RANBP2: variants seen among roughly 807,000 people sequenced by gnomAD.
RANBP2 encodes RAN binding protein 2.
A neutral mutation model predicts 303.6 loss-of-function variants in RANBP2; 57 were observed. The ratio of observed to expected loss-of-function variants is 0.19; its 90% CI spans 0.15 to 0.23. RANBP2 has a LOEUF of 0.23. Among genes scored for constraint, RANBP2 ranks in the 10% least tolerant of loss-of-function variants. The probability of loss-of-function intolerance (pLI) is 1.00; values close to 1 mark genes in which losing one functional copy is unlikely to be tolerated. For missense variants in RANBP2, 3,138 were observed against 3,780.8 expected, an observed-to-expected ratio of 0.83 and a Z score of 4.46; for synonymous variants, 1,167 against 1,301.5, an observed-to-expected ratio of 0.90 and a Z score of 2.23.
Position 108,766,090 on chromosome 2 carries a change from A to G in RANBP2, c.5551A>G (p.Lys1851Glu), listed in dbSNP as rs756543307. 3.7e-6 allele frequency: 6 copies of G among 1,614,054 alleles called. No homozygotes were observed. In the African/African-American group the frequency reaches 6.7e-5, roughly 18 times the overall value. Residue 1851 changes from lysine to glutamate, a missense_variant, in exon 20 of 29, where the codon AAG (lysine) becomes GAG (glutamate). By Grantham distance (56) the Lys-to-Glu change is moderately conservative. This residue lies in a region of RANBP2 where 348 missense variants were observed against 360.4 expected (regional missense o/e 0.97). Coordinates refer to ENST00000283195, the MANE Select transcript of RANBP2 (RefSeq NM_006267.5). ...FKSNFSEKASKFGNTEQGFKF... is the reference protein window; with the variant it reads ...FKSNFSEKASEFGNTEQGFKF... Reference sequence around the variant, plus strand: ...AAGTAATTTCTCAGAAAAAGCTTCTAAGTTTGGCAATACAGAGCAAGGATT... The same window carrying G: ...AAGTAATTTCTCAGAAAAAGCTTCTGAGTTTGGCAATACAGAGCAAGGATT...
chr2:109,200,570 C>T, the RANBP2 span, among the ~76,000 whole-genome samples: 1 of 152,168 alleles, frequency 6.6e-6, no homozygotes, highest in Non-Finnish European at 1.5e-5. Flanking sequence ...CCTTGCTCTT[C>T]TAGGCACCGC....
At chr2:108,834,295 C>G in the RANBP2 span, among the ~76,000 whole-genome samples, 1 of 151,590 alleles carries the variant, frequency 6.6e-6, no homozygotes, top group South Asian at 2.1e-4. Flanking sequence ...TCACTGCAAC[C>G]TCTGCTTCCC....
chr2:109,432,805 G>A, the RANBP2 span: 1 of 1,230,172 alleles, frequency 8.1e-7, no homozygotes, highest in Non-Finnish European at 1.1e-6. Context: ...CCAGGGTTCA[G>A]CCCCCACTGG....
chr2:109,640,209 G>A, the RANBP2 span, among the ~76,000 whole-genome samples: 2 of 151,254 alleles, frequency 1.3e-5, no homozygotes, highest in African/African-American at 2.4e-5. Flanking sequence ...TCCCAGCACT[G>A]TGGAGGCCAA....
chr2:109,126,749 C>T, the RANBP2 span, among the ~76,000 whole-genome samples: 5 of 152,166 alleles, frequency 3.3e-5, no homozygotes, highest in Admixed American at 6.5e-5. Context: ...AGCCTGGGAT[C>T]CTATGAGATG....
At chr2:109,278,769 G>A in the RANBP2 span, among the ~76,000 whole-genome samples, 1 of 152,150 alleles carries the variant, frequency 6.6e-6, no homozygotes, top group African/African-American at 2.4e-5. Context: ...GTACCCAACT[G>A]AAACCCATGT....
chr2:109,542,073 A>G, the RANBP2 span, among the ~76,000 whole-genome samples: 193 of 152,384 alleles, frequency 1.3e-3, no homozygotes, highest in Middle Eastern at 3.4e-3. Flanking sequence ...AGTTAGAGAC[A>G]ACTGTTTCAT....
the RANBP2 span, among the ~76,000 whole-genome samples, chr2:109,078,137 C>T: frequency 1.7e-4 from 6 of 35,190 alleles, no homozygotes; most frequent in African/African-American, 5.9e-4. Flanking sequence ...ATATATATAG[C>T]GTGTATATAT....
At chr2:109,741,466 C>A in the RANBP2 span, among the ~76,000 whole-genome samples, 1 of 148,248 alleles carries the variant, frequency 6.7e-6, no homozygotes, top group Non-Finnish European at 1.5e-5. Context: ...CGCCTGTAAT[C>A]CCAGCATTTC....
At chr2:109,041,837 G>A in the RANBP2 span, among the ~76,000 whole-genome samples, 1 of 151,762 alleles carries the variant, frequency 6.6e-6, no homozygotes, top group African/African-American at 2.4e-5. Flanking sequence ...CAACCCGCCC[G>A]GCCTGATGGA....
chr2:109,615,113 G>A, the RANBP2 span: 4 of 1,549,702 alleles, frequency 2.6e-6, no homozygotes, highest in African/African-American at 2.7e-5. Flanking sequence ...TCCGTGACCT[G>A]GTGATGGGCA....
the RANBP2 span, among the ~76,000 whole-genome samples, chr2:109,731,832 CTTCT>C: frequency 2.0e-5 from 3 of 151,450 alleles, no homozygotes; most frequent in African/African-American, 7.3e-5. Flanking sequence ...AAGTATTTTT[CTTCT>C]TTCTCTTTTT....
chr2:109,014,903 C>T, the RANBP2 span, among the ~76,000 whole-genome samples: 7 of 151,926 alleles, frequency 4.6e-5, no homozygotes, highest in African/African-American at 1.7e-4. Flanking sequence ...GGGCGGATCA[C>T]GAGGTCAGGA....
rs549025149 is a variant in RANBP2 at position 108,744,606 on chromosome 2, A to G, written c.976-2105A>G. 5.2e-4 allele frequency among the ~76,000 whole-genome samples: 79 copies of G among 152,358 alleles called. 3 individuals are homozygous for G. The highest frequency in any genetic ancestry group is 1.9e-3 in the African/African-American group (78 of 41,598). On this transcript the variant is annotated intron_variant, in intron 7 of 28. Transcript: ENST00000283195. ...GCTCTTTTCAACATATAGATGACAAAGGGCTTTGACATGATGTTTAGAAAA... is the reference window on the plus strand; with the variant it reads ...GCTCTTTTCAACATATAGATGACAAGGGGCTTTGACATGATGTTTAGAAAA...
the RANBP2 span, among the ~76,000 whole-genome samples, chr2:109,730,764 GTC>G: frequency 6.8e-5 from 10 of 147,376 alleles, no homozygotes; most frequent in East Asian, 1.6e-3. Context: ...TCTCTCTGGG[GTC>G]TCTCTCTCTC....
intron 4 of RANBP2, among the ~76,000 whole-genome samples, chr2:108,732,733 C>T (rs1486358739): frequency 6.6e-6 from 1 of 152,308 alleles, no homozygotes; most frequent in East Asian, 1.9e-4. Context: ...TATGCCTGAC[C>T]TCTGGCAACC....
At chr2:109,172,315 C>A in the RANBP2 span, among the ~76,000 whole-genome samples, 1 of 152,238 alleles carries the variant, frequency 6.6e-6, no homozygotes, top group Non-Finnish European at 1.5e-5. Context: ...AAGGACCTTG[C>A]AAACAGCGTG....
Position 108,767,630 on chromosome 2 carries a change from A to G in RANBP2, c.7091A>G (p.Asp2364Gly). ...GATATAAAGATTTTACAGAATTATG[A>G]TAATAAGCAAGTTCGTATAGTGATG... ...IGDIKILQNY[D>G]NKQVRIVMRR... is the part of the protein sequence containing the mutation. Residue 2364 changes from aspartate (D) to glycine (G), a missense_variant, in exon 20 of 29, where the codon GAT (aspartate) becomes GGT (glycine). Coordinates refer to ENST00000283195, the MANE Select transcript of RANBP2 (RefSeq NM_006267.5). 6.2e-7 allele frequency: 1 copy of G among 1,612,012 alleles called. No homozygotes were observed. The highest frequency in any genetic ancestry group is 8.5e-7 in the Non-Finnish European group (1 of 1,179,852).
the RANBP2 span, among the ~76,000 whole-genome samples, chr2:109,392,795 G>A: frequency 2.0e-5 from 3 of 152,062 alleles, no homozygotes; most frequent in Admixed American, 6.6e-5. Context: ...GATTACAGGC[G>A]TCAGCCACCA....
Sources: allele counts gnomAD v4.1 joint callset (sites outside exome capture counted in the v4.1 genomes callset), GRCh38; gene constraint gnomAD v4.1.1; regional missense constraint gnomAD v4.1.1; transcripts MANE v1.5; gene names NCBI Gene and HGNC (gene_info 2026-07-23, HGNC 2026-07-21).